PPIP5K2: variants seen among roughly 807,000 people sequenced by gnomAD.
PPIP5K2 encodes the protein diphosphoinositol pentakisphosphate kinase 2, also known as inositol hexakisphosphate and diphosphoinositol-pentakisphosphate kinase 2.
Under a neutral mutation model 154.6 loss-of-function variants are expected in PPIP5K2, and 105 were observed. That is an observed-to-expected ratio of 0.68 (90% confidence interval 0.58 to 0.80). The LOEUF (loss-of-function observed/expected upper bound fraction) is 0.80, where lower values mean the gene tolerates loss of function less well. Ranked by LOEUF, PPIP5K2 falls within the 30% of genes least tolerant of loss-of-function variation. PPIP5K2 has a pLI of 0.00. For synonymous variants in PPIP5K2, 480 were observed against 490.3 expected (o/e 0.98, Z 0.28); for missense variants, 992 against 1,504.6 (o/e 0.66, Z 5.64).
chr5:103,206,331 T>A lies in PPIP5K2; in HGVS notation c.*4697T>A, dbSNP rs1172804451. 5 of 152,196 alleles carry A rather than the reference T, an allele frequency of 3.3e-5. No individual in the cohort carries two copies. Among genetic ancestry groups the A allele is most frequent in the Non-Finnish European group, 4.4e-5 (3 of 68,026 alleles). The allele number at this position is 152,196 out of a possible 1,614,324, so 9.4% of individuals were successfully genotyped here. A position where few individuals can be genotyped will look rare whatever the true frequency, so the allele number is the denominator to read the frequency against. ...GTTTCAGTGAGGACTACATATTTTT[T>A]TTGTTCATGTCCAACACAATAAAAA... is the stretch of plus-strand genomic sequence containing the variant. On this transcript the variant is annotated 3_prime_UTR_variant, in exon 31 of 31. Transcript: ENST00000358359.
Position 103,136,770 on chromosome 5 carries a change from A to G in PPIP5K2, c.349A>G (p.Arg117Gly). ...CAAAGCGGTTGCCTATGCAAAACTCAGGAATCCATTTGTAATCAATGACTT... is the reference window on the plus strand; with the variant it reads ...CAAAGCGGTTGCCTATGCAAAACTCGGGAATCCATTTGTAATCAATGACTT... ...LDKAVAYAKL[R>G]NPFVINDLNM... Residue 117 changes from arginine (R) to glycine (G), a missense_variant, in exon 4 of 31, where the codon AGG becomes GGG. Arg to Gly is a moderately radical substitution (Grantham distance 125). Around this residue, in one of 9 missense-constraint regions of PPIP5K2, gnomAD observed 153 missense variants for 200.4 expected, o/e 0.76. Transcript: ENST00000358359. 1 of 1,613,868 alleles carries G rather than the reference A, an allele frequency of 6.2e-7. No individual in the cohort carries two copies. Among genetic ancestry groups the G allele is most frequent in the Non-Finnish European group, 8.5e-7 (1 of 1,179,838 alleles).
At chr5:103,140,642 G>A (rs1792415396) in intron 5 of PPIP5K2, among the ~76,000 whole-genome samples, 1 of 151,760 alleles carries the variant, frequency 6.6e-6, no homozygotes, top group Non-Finnish European at 1.5e-5. Context: ...GAGGTCAGGA[G>A]ATCGAGACCA....
Position 103,183,519 on chromosome 5 carries a change from G to GT in PPIP5K2, c.3096+118dup, listed in dbSNP as rs1799903003. The GT allele has an allele frequency of 3.6e-5, 34 of 940,206 alleles. No homozygotes were observed. The South Asian group carries it at 5.5e-4, about 15-fold the overall frequency. The allele number at this position is 940,206 out of a possible 1,614,324, so 58.2% of individuals were successfully genotyped here. A position where few individuals can be genotyped will look rare whatever the true frequency, so the allele number is the denominator to read the frequency against. On this transcript the variant is annotated intron_variant, in intron 25 of 30. Transcript: ENST00000358359. ...ATTTCACATCAGAGTAAATCCTTCT[G>GT]TTTTTTAATTTTGAGTTCATTTAAA...
intron 26 of PPIP5K2, 39 bp from the exon 27 acceptor site, chr5:103,186,281 A>T: frequency 1.2e-6 from 2 of 1,612,262 alleles, no homozygotes; most frequent in Non-Finnish European, 1.7e-6. Context: ...TGAATGGAAG[A>T]ACACCCGTTG....
At position 103,202,567 on chromosome 5, in the gene PPIP5K2, G is replaced by A. The variant is rs1035736424; in HGVS notation, c.*933G>A. 5.3e-5 allele frequency: 8 copies of A among 152,104 alleles called. No homozygotes were observed. Among genetic ancestry groups the A allele is most frequent in the Non-Finnish European group, 7.4e-5 (5 of 67,998 alleles). The allele number at this position is 152,104 out of a possible 1,614,324, so 9.4% of individuals were successfully genotyped here. A position where few individuals can be genotyped will look rare whatever the true frequency, so the allele number is the denominator to read the frequency against. ...TTAACCATTTCCATTCTTATCCCTA[G>A]TGTATCAGTTGATCACACTAAGAAA... On this transcript the variant is annotated 3_prime_UTR_variant, in exon 31 of 31. Transcript: ENST00000358359.
intron 2 of PPIP5K2, 55 bp from the exon 3 acceptor site, chr5:103,133,398 G>A (rs1554203211): frequency 8.8e-6 from 13 of 1,472,350 alleles, no homozygotes; most frequent in Middle Eastern, 2.4e-4. Flanking sequence ...GAAGATAGCT[G>A]TACTTTGGAG....
At chr5:103,173,052 C>A in intron 19 of PPIP5K2, 103 bp from the exon 20 acceptor site, 2 of 919,972 alleles carry the variant, frequency 2.2e-6, no homozygotes. Flanking sequence ...TCAAAAAAGG[C>A]TTGATAAAAT....
chr5:103,150,311 G>A (rs1267669408), intron 8 of PPIP5K2, among the ~76,000 whole-genome samples: 1 of 152,108 alleles, frequency 6.6e-6, no homozygotes, highest in Non-Finnish European at 1.5e-5. Flanking sequence ...TGAAAGCTGT[G>A]ACAAAAAATC....
At chr5:103,155,225 A>C (rs911900907) in intron 13 of PPIP5K2, among the ~76,000 whole-genome samples, 13 of 151,936 alleles carry the variant, frequency 8.6e-5, no homozygotes, top group Non-Finnish European at 1.5e-4. Flanking sequence ...TTGACCATAG[A>C]TTCATTGCAG....
chr5:103,170,792 A>G (rs1797866591), intron 19 of PPIP5K2, among the ~76,000 whole-genome samples: 1 of 151,540 alleles, frequency 6.6e-6, no homozygotes, highest in African/African-American at 2.4e-5. Context: ...ACAATTATAA[A>G]CATATTTGCA....
rs537844444 is a variant in PPIP5K2 at position 103,186,136 on chromosome 5, GT to G, written c.3170-181del. 2.6e-3 allele frequency among the ~76,000 whole-genome samples: 390 copies of G among 152,160 alleles called. 4 individuals carry two copies. The highest frequency in any genetic ancestry group is 8.8e-3 in the African/African-American group (366 of 41,522). On this transcript the variant is annotated intron_variant, in intron 26 of 30. Transcript: ENST00000358359. ...TGTACCTATGATAAATGATAGTGGTGTTTAGAAGTATTGTATTAAAACTGAC... is the reference window on the plus strand; with the variant it reads ...TGTACCTATGATAAATGATAGTGGTGTTAGAAGTATTGTATTAAAACTGAC...
At chr5:103,129,944 G>A (rs1204863889) in intron 2 of PPIP5K2, among the ~76,000 whole-genome samples, 1 of 152,004 alleles carries the variant, frequency 6.6e-6, no homozygotes, top group African/African-American at 2.4e-5. Flanking sequence ...CTCAGTGTTA[G>A]GTAACAAAAG....
intron 3 of PPIP5K2, among the ~76,000 whole-genome samples, chr5:103,134,528 T>C (rs1396931898): frequency 2.6e-5 from 4 of 152,190 alleles, no homozygotes; most frequent in Non-Finnish European, 4.4e-5. Flanking sequence ...TGTTCATTAT[T>C]TCATAGAGAA....
Position 103,157,304 on chromosome 5 carries a change from A to C in PPIP5K2, c.1490-884A>C, listed in dbSNP as rs1171332463. Among the ~76,000 whole-genome samples, 25 of 152,190 alleles carry C rather than the reference A, an allele frequency of 1.6e-4. 1 individual carries two copies. The highest frequency in any genetic ancestry group is 1.6e-3 in the Admixed American group (25 of 15,274). Reference sequence around the variant, plus strand: ...TATGGTATTTTCTTTGTTCAAGAAAATACTCTGATGTGTAACATGCAGAGA... The same window carrying C: ...TATGGTATTTTCTTTGTTCAAGAAACTACTCTGATGTGTAACATGCAGAGA... On this transcript the variant is annotated intron_variant, in intron 14 of 30. Transcript: ENST00000358359.
chr5:103,160,700 C>T (rs1344216432), intron 17 of PPIP5K2, among the ~76,000 whole-genome samples: 2 of 152,166 alleles, frequency 1.3e-5, no homozygotes, highest in African/African-American at 4.8e-5. Flanking sequence ...CCACATTTGA[C>T]CTGCAGGCTA....
chr5:103,176,846 C>T, intron 21 of PPIP5K2: 3 of 1,345,488 alleles, frequency 2.2e-6, no homozygotes, highest in South Asian at 1.3e-5. Context: ...TTCTGATGCT[C>T]TATGATTACA....
chr5:103,180,850 A>C (rs1443545489), intron 24 of PPIP5K2, among the ~76,000 whole-genome samples: 13 of 146,932 alleles, frequency 8.8e-5, no homozygotes, highest in African/African-American at 2.0e-4. Context: ...ACTCTCCCCA[A>C]AAAAAAAAAA....
In PPIP5K2 at chr5:103,184,646, T is replaced by C. The variant is rs1338295270; in HGVS notation, c.3097-26T>C. ...TATGAATTTATTTTACTCTTTTACT[T>C]CATTTATTTTGGATTCCTTATGCAG... On this transcript the variant is annotated intron_variant, in intron 25 of 30. Transcript: ENST00000358359. 7 of 1,564,744 alleles carry C rather than the reference T, an allele frequency of 4.5e-6. No homozygotes were observed. In the Admixed American group the frequency reaches 1.2e-4, roughly 26 times the overall value.
chr5:103,174,342 C>T (rs782582410), intron 21 of PPIP5K2, among the ~76,000 whole-genome samples: 38 of 152,128 alleles, frequency 2.5e-4, no homozygotes, highest in Non-Finnish European at 4.1e-4. Context: ...TCTACTATTA[C>T]GTAATGACAT....
Sources: gnomAD v4.1 joint callset for allele counts (sites outside exome capture counted in the v4.1 genomes callset) on GRCh38, gnomAD v4.1.1 for gene constraint, gnomAD v4.1.1 regional missense constraint, MANE v1.5 for transcripts, NCBI Gene and HGNC (gene_info 2026-07-23, HGNC 2026-07-21) for gene names.